STRN3: variants seen among roughly 807,000 people sequenced by gnomAD.
STRN3 encodes the protein striatin 3.
STRN3 carries 29 observed loss-of-function variants against 95.6 expected under a neutral mutation model. The observed-to-expected ratio is 0.30, with a 90% CI of 0.23 to 0.41. STRN3 has a LOEUF of 0.41. Ranked by LOEUF, STRN3 falls within the 10% of genes least tolerant of loss-of-function variation. The pLI, the probability that STRN3 is intolerant of heterozygous loss-of-function variation, is 1.00. For missense variants in STRN3, 890 were observed against 972.1 expected (o/e 0.92, Z 1.12); for synonymous variants, 331 against 357.6 (o/e 0.93, Z 0.84).
At position 30,895,537 on chromosome 14, in the gene STRN3, T is replaced by C. The variant is rs200580815; in HGVS notation, c.2268A>G (p.Thr756=). The C allele has an allele frequency of 3.7e-6, 6 of 1,614,102 alleles. No homozygotes were observed. The South Asian group carries it at 6.6e-5, about 18-fold the overall frequency. The change falls in exon 18 of 18, where the codon ACA becomes ACG. Residue 756 remains threonine, a synonymous_variant. Transcript: ENST00000357479. ...SIRLWNLDSK[T]CVQEITAHRK... is the part of the protein sequence containing the mutation. Reference sequence around the variant, plus strand: ...TGTGAGCTGTTATTTCTTGCACACATGTCTTGCTGTCTAAATTCCATAATC... The same window carrying C: ...TGTGAGCTGTTATTTCTTGCACACACGTCTTGCTGTCTAAATTCCATAATC...
At chr14:30,960,980 G>A (rs1379130659) in intron 1 of STRN3, among the ~76,000 whole-genome samples, 6 of 151,522 alleles carry the variant, frequency 4.0e-5, no homozygotes, top group South Asian at 2.1e-4. Context: ...AAATATGAAC[G>A]CAGGACAGTA....
chr14:30,936,741 T>C (rs1002422064), intron 5 of STRN3, 117 bp from the exon 6 acceptor site: 2 of 1,212,006 alleles, frequency 1.7e-6, no homozygotes, highest in East Asian at 2.6e-5. Context: ...GACTACCTAC[T>C]GTCTGAGGGC....
chr14:30,967,642 G>A (rs1264111512), intron 1 of STRN3, among the ~76,000 whole-genome samples: 1 of 152,176 alleles, frequency 6.6e-6, no homozygotes, highest in African/African-American at 2.4e-5. Flanking sequence ...GCTAACAGAA[G>A]AAAGTAGAAA....
intron 1 of STRN3, among the ~76,000 whole-genome samples, chr14:30,991,728 T>C (rs1483490491): frequency 1.7e-4 from 25 of 151,118 alleles, no homozygotes; most frequent in Admixed American, 1.6e-3. Flanking sequence ...AGGAAGAGGG[T>C]AGAGGAGAGG....
chr14:30,980,695 C>G (rs1401781990), intron 1 of STRN3, among the ~76,000 whole-genome samples: 1 of 152,084 alleles, frequency 6.6e-6, no homozygotes, highest in African/African-American at 2.4e-5. Flanking sequence ...CCCACCGCAC[C>G]CGGCCCTATT....
At chr14:30,968,839 G>A (rs773263726) in intron 1 of STRN3, among the ~76,000 whole-genome samples, 1 of 152,106 alleles carries the variant, frequency 6.6e-6, no homozygotes, top group Admixed American at 6.6e-5. Flanking sequence ...TAAAACTATA[G>A]AAGAAACAGT....
At chr14:30,901,115 T>C (rs1341615483) in intron 16 of STRN3, among the ~76,000 whole-genome samples, 1 of 152,108 alleles carries the variant, frequency 6.6e-6, no homozygotes, top group Non-Finnish European at 1.5e-5. Flanking sequence ...TTCATAAAAA[T>C]AGTTCAAAGG....
At chr14:30,997,065 G>GAC (rs1459279474) in intron 1 of STRN3, among the ~76,000 whole-genome samples, 1 of 151,898 alleles carries the variant, frequency 6.6e-6, no homozygotes, top group Non-Finnish European at 1.5e-5. Context: ...AGCATAAAAA[G>GAC]ACACTCATTT....
At chr14:31,019,892 T>TC in intron 1 of STRN3, among the ~76,000 whole-genome samples, 1 of 151,156 alleles carries the variant, frequency 6.6e-6, no homozygotes. Context: ...TTTTCTTTTT[T>TC]TTTTTTTTCT....
intron 1 of STRN3, among the ~76,000 whole-genome samples, chr14:30,976,022 G>A (rs969472491): frequency 6.6e-6 from 1 of 151,960 alleles, no homozygotes; most frequent in African/African-American, 2.4e-5. Context: ...CAAAGAACAA[G>A]TGCAAAAACA....
intron 8 of STRN3, among the ~76,000 whole-genome samples, chr14:30,925,242 G>A (rs761949587): frequency 4.0e-4 from 61 of 151,252 alleles, no homozygotes; most frequent in Admixed American, 1.1e-3. Flanking sequence ...GGCGGGCAGG[G>A]GGGTAAAAAA....
intron 9 of STRN3, among the ~76,000 whole-genome samples, chr14:30,916,021 T>C (rs1439084861): frequency 1.3e-5 from 2 of 152,206 alleles, no homozygotes; most frequent in Non-Finnish European, 2.9e-5. Context: ...TATGTACCTA[T>C]TGCAAGCTAT....
chr14:30,986,063 A>G (rs1372935423), intron 1 of STRN3, among the ~76,000 whole-genome samples: 1 of 152,280 alleles, frequency 6.6e-6, no homozygotes, highest in Non-Finnish European at 1.5e-5. Flanking sequence ...TCTTTCTATT[A>G]AAGAGAAATG....
At chr14:30,961,506 G>A (rs994114460) in intron 1 of STRN3, among the ~76,000 whole-genome samples, 3 of 152,210 alleles carry the variant, frequency 2.0e-5, no homozygotes, top group Non-Finnish European at 2.9e-5. Flanking sequence ...CGCATTAGAC[G>A]CATTATTCAC....
chr14:30,903,529 G>A (rs1229778021), intron 15 of STRN3, among the ~76,000 whole-genome samples: 3 of 152,116 alleles, frequency 2.0e-5, no homozygotes, highest in Admixed American at 6.5e-5. Context: ...AGTCTCCAAA[G>A]CTAGGACTAC....
At chr14:31,006,835 G>A (rs1256204038) in intron 1 of STRN3, among the ~76,000 whole-genome samples, 1 of 152,084 alleles carries the variant, frequency 6.6e-6, no homozygotes, top group East Asian at 1.9e-4. Context: ...ATGTAGCCTG[G>A]TGCAACAGGG....
Position 30,969,821 on chromosome 14 carries a change from G to A in STRN3, c.283-13579C>T, listed in dbSNP as rs141714779. 5.8e-3 allele frequency among the ~76,000 whole-genome samples: 875 copies of A among 152,088 alleles called. 9 individuals carry two copies. The highest frequency in any genetic ancestry group is 0.02 in the African/African-American group (826 of 41,496). On this transcript the variant is annotated intron_variant, in intron 1 of 17. Coordinates refer to ENST00000357479, the MANE Select transcript of STRN3 (RefSeq NM_001083893.2). ...TCTTTTAGCACAGGTACAACCCCTA[G>A]AATTTCCAGTAAACCAGCACCAGCC...
rs143689355 is a variant in STRN3 at position 31,003,391 on chromosome 14, G to C, written c.282+22513C>G. Among the ~76,000 whole-genome samples the C allele has an allele frequency of 5.6e-3, 849 of 151,164 alleles. 9 individuals are homozygous for C. The highest frequency in any genetic ancestry group is 0.02 in the African/African-American group (809 of 41,184). ...CAACTCAAGCTGGATCATAGACCTT[G>C]CTATGGTTTGGAGTCTGTCCCCTCC... On this transcript the variant is annotated intron_variant, in intron 1 of 17. Coordinates refer to ENST00000357479, the MANE Select transcript of STRN3 (RefSeq NM_001083893.2).
At chr14:30,919,127 TAG>T in intron 8 of STRN3, 21 bp from the exon 9 acceptor site, 1 of 1,579,266 alleles carries the variant, frequency 6.3e-7, no homozygotes, top group Non-Finnish European at 8.6e-7. Flanking sequence ...ATGTCAGCAG[TAG>T]AGGTTCATTT....
Sources: gnomAD v4.1 joint callset for allele counts (sites outside exome capture counted in the v4.1 genomes callset) on GRCh38, gnomAD v4.1.1 for gene constraint, MANE v1.5 for transcripts, NCBI Gene and HGNC (gene_info 2026-07-23, HGNC 2026-07-21) for gene names.